The following AFF4 variants were observed in gnomAD, a reference collection of about 807,000 sequenced individuals.
AFF4 encodes the protein ALF transcription elongation factor 4.
AFF4 carries 13 observed loss-of-function variants against 124.8 expected under a neutral mutation model. The ratio of observed to expected loss-of-function variants is 0.10; its 90% CI spans 0.07 to 0.17. The LOEUF (loss-of-function observed/expected upper bound fraction) is 0.17, where lower values mean the gene tolerates loss of function less well. Among genes scored for constraint, AFF4 ranks in the 10% least tolerant of loss-of-function variants. The pLI is 1.00. For synonymous variants in AFF4, 477 were observed against 496.1 expected (o/e 0.96, Z 0.51); for missense variants, 1,092 against 1,403.8 (o/e 0.78, Z 3.55).
At chr5:132,957,314 T>G (rs1357477021) in intron 1 of AFF4, among the ~76,000 whole-genome samples, 1 of 151,994 alleles carries the variant, frequency 6.6e-6, no homozygotes, top group African/African-American at 2.4e-5. Context: ...CACTCCAGCC[T>G]GGGTAACCGA....
At chr5:132,929,571 T>C (rs1761254875) in intron 4 of AFF4, among the ~76,000 whole-genome samples, 1 of 151,952 alleles carries the variant, frequency 6.6e-6, no homozygotes, top group African/African-American at 2.4e-5. Flanking sequence ...TTCATTGGGA[T>C]TACAGGGAAA....
intron 5 of AFF4, among the ~76,000 whole-genome samples, chr5:132,905,896 G>A (rs892107640): frequency 3.3e-5 from 5 of 152,056 alleles, no homozygotes; most frequent in East Asian, 1.9e-4. Flanking sequence ...ATAAGGGGCT[G>A]GTATCCACAA....
Position 132,947,272 on chromosome 5 carries a change from G to A in AFF4, c.-4-10079C>T, listed in dbSNP as rs1218438194. ...ACAAAAATTAGCCGGGTGTGGTAACGCGCACCTGTAGTCCCAGCTACTCGG... is the reference window on the plus strand; with the variant it reads ...ACAAAAATTAGCCGGGTGTGGTAACACGCACCTGTAGTCCCAGCTACTCGG... On this transcript the variant is annotated intron_variant, in intron 1 of 20. Transcript: ENST00000265343. Among the ~76,000 whole-genome samples, 4 of 151,780 alleles carry A rather than the reference G, an allele frequency of 2.6e-5. 1 individual carries two copies. In the South Asian group the frequency reaches 8.3e-4, roughly 32 times the overall value.
At chr5:132,959,340 T>C (rs975247524) in intron 1 of AFF4, among the ~76,000 whole-genome samples, 1 of 152,102 alleles carries the variant, frequency 6.6e-6, no homozygotes, top group South Asian at 2.1e-4. Context: ...CAGGATTGTC[T>C]TGATCTCTCG....
intron 3 of AFF4, 147 bp downstream of exon 3, chr5:132,934,000 G>T: frequency 1.1e-6 from 1 of 916,022 alleles, no homozygotes; most frequent in Non-Finnish European, 1.6e-6. Flanking sequence ...TAACTCACAA[G>T]TCTGTCTTTA....
chr5:132,961,611 T>C (rs1027562009), intron 1 of AFF4, among the ~76,000 whole-genome samples: 8 of 152,100 alleles, frequency 5.3e-5, no homozygotes, highest in Admixed American at 1.3e-4. Context: ...ATCTGACAAG[T>C]AGAAAGTGAC....
chr5:132,889,367 A>C (rs1740653922), intron 13 of AFF4, among the ~76,000 whole-genome samples, 194 bp from the exon 14 acceptor site: 1 of 152,184 alleles, frequency 6.6e-6, no homozygotes, highest in Non-Finnish European at 1.5e-5. Context: ...TATATAACTG[A>C]AATATTCATT....
chr5:132,924,770 G>A (rs534009096), intron 5 of AFF4, among the ~76,000 whole-genome samples: 4 of 151,994 alleles, frequency 2.6e-5, no homozygotes. Flanking sequence ...CAGGAAAATC[G>A]CTTGAACCCA....
intron 20 of AFF4, among the ~76,000 whole-genome samples, chr5:132,882,597 C>T (rs1760008292): frequency 6.6e-6 from 1 of 152,126 alleles, no homozygotes; most frequent in Non-Finnish European, 1.5e-5. Context: ...TGGCTCACAC[C>T]TGTAATCCCA....
At chr5:132,886,788 T>C (rs1408590912) in intron 17 of AFF4, among the ~76,000 whole-genome samples, 1 of 152,198 alleles carries the variant, frequency 6.6e-6, no homozygotes, top group Admixed American at 6.5e-5. Context: ...ACATAGCTTA[T>C]AAAGACCGTG....
Position 132,876,418 on chromosome 5 carries a change from A to T in AFF4, c.*4641T>A. 1 of 225,574 alleles carries T rather than the reference A, an allele frequency of 4.4e-6. No individual in the cohort carries two copies. The allele number at this position is 225,574 out of a possible 1,614,324, so 14.0% of individuals were successfully genotyped here. A position where few individuals can be genotyped will look rare whatever the true frequency, so the allele number is the denominator to read the frequency against. On this transcript the variant is annotated 3_prime_UTR_variant, in exon 21 of 21. Coordinates refer to ENST00000265343, the MANE Select transcript of AFF4 (RefSeq NM_014423.4). ...ATTCCAATGGTTAAAAGCTGAAAAG[A>T]AGTCCCACATGGAAGCAGTAAGAGG...
At chr5:132,899,235 T>G in intron 8 of AFF4, 94 bp from the exon 9 acceptor site, 2 of 1,230,596 alleles carry the variant, frequency 1.6e-6, no homozygotes, top group Non-Finnish European at 2.3e-6. Flanking sequence ...CAGAAAAAAC[T>G]GGATTCTCTA....
intron 5 of AFF4, among the ~76,000 whole-genome samples, chr5:132,922,651 G>A (rs193280106): frequency 2.7e-5 from 4 of 150,666 alleles, no homozygotes; most frequent in Non-Finnish European, 1.5e-5. Flanking sequence ...GTGGTGGCAC[G>A]TGCCTGTAGT....
Position 132,879,060 on chromosome 5 carries a change from C to T in AFF4, c.*1999G>A, listed in dbSNP as rs1759907290. ...CTCTTATGGAAAACTGTTCCTAGAA[C>T]ACACTAAGATTAAGTTAGAAAGATA... is the stretch of plus-strand genomic sequence containing the variant. On this transcript the variant is annotated 3_prime_UTR_variant, in exon 21 of 21. Transcript: ENST00000265343. The T allele has an allele frequency of 4.5e-6, 1 of 221,664 alleles. No individual in the cohort carries two copies. Among genetic ancestry groups the T allele is most frequent in the African/African-American group, 2.2e-5 (1 of 44,714 alleles). The allele number at this position is 221,664 out of a possible 1,614,324, so 13.7% of individuals were successfully genotyped here. A position where few individuals can be genotyped will look rare whatever the true frequency, so the allele number is the denominator to read the frequency against.
rs375891983 is a variant in AFF4, at chr5:132,908,776, A to ATATATT, written c.1051-4373_1051-4372insAATATA. Among the ~76,000 whole-genome samples the ATATATT allele has an allele frequency of 3.9e-3, 450 of 114,876 alleles. 3 individuals are homozygous for ATATATT. The highest frequency in any genetic ancestry group is 1.0e-2 in the African/African-American group (331 of 33,196). 75.4% of individuals were successfully genotyped at this position (114,876 alleles called of 152,430 possible). On this transcript the variant is annotated intron_variant, in intron 5 of 20. Coordinates refer to ENST00000265343, the MANE Select transcript of AFF4 (RefSeq NM_014423.4). ...TATATACATATATATATATATATAT[A>ATATATT]TTTTTTTTTTTTGAGACGGAATCTA...
chr5:132,908,767 TATATA>T (rs1338010777), intron 5 of AFF4, among the ~76,000 whole-genome samples: 2 of 102,070 alleles, frequency 2.0e-5, no homozygotes, highest in Non-Finnish European at 3.9e-5. Flanking sequence ...CATATATATA[TATATA>T]TATATTTTTT....
intron 11 of AFF4, among the ~76,000 whole-genome samples, chr5:132,893,933 T>C (rs1192352384): frequency 1.3e-5 from 2 of 152,226 alleles, no homozygotes; most frequent in Non-Finnish European, 2.9e-5. Flanking sequence ...TCATTCAATA[T>C]ATGTGGCCTT....
At chr5:132,944,956 T>A (rs941588258) in intron 1 of AFF4, 6 of 148,458 alleles carry the variant, frequency 4.0e-5, no homozygotes, top group African/African-American at 1.5e-4. Context: ...AAAAAAAAAT[T>A]TTTTTTAATT....
At chr5:132,912,897 GAC>G in intron 5 of AFF4, among the ~76,000 whole-genome samples, 1 of 151,718 alleles carries the variant, frequency 6.6e-6, no homozygotes, top group South Asian at 2.1e-4. Flanking sequence ...GGGCTGATGA[GAC>G]AGAGAAATCA....
Sources: allele counts gnomAD v4.1 joint callset (sites outside exome capture counted in the v4.1 genomes callset), GRCh38; gene constraint gnomAD v4.1.1; transcripts MANE v1.5; gene names NCBI Gene and HGNC (gene_info 2026-07-23, HGNC 2026-07-21).